The following FBXO22 variants were observed in gnomAD, a reference collection of about 807,000 sequenced individuals.
FBXO22 encodes the protein F-box only protein 22.
In FBXO22, 13 loss-of-function variants were observed where a neutral mutation model predicts 37.2. The observed-to-expected ratio is 0.35, with a 90% CI of 0.23 to 0.56. The LOEUF is 0.56. Ranked by LOEUF, FBXO22 falls within the 20% of genes least tolerant of loss-of-function variation. The probability of loss-of-function intolerance (pLI) is 0.87; values close to 1 mark genes in which losing one functional copy is unlikely to be tolerated. For synonymous variants in FBXO22, 189 were observed against 189.1 expected (o/e 1.00, Z 0.00); for missense variants, 446 against 509.9 (o/e 0.87, Z 1.21).
intron 5 of FBXO22, among the ~76,000 whole-genome samples, chr15:75,919,103 C>T (rs1900259463): frequency 6.6e-6 from 1 of 152,054 alleles, no homozygotes; most frequent in South Asian, 2.1e-4. Flanking sequence ...GTAGCTGGGA[C>T]TACATGCTGT....
At chr15:75,919,730 G>A (rs1023926762) in intron 5 of FBXO22, among the ~76,000 whole-genome samples, 1 of 152,224 alleles carries the variant, frequency 6.6e-6, no homozygotes, top group Non-Finnish European at 1.5e-5. Context: ...TTCATCTGCA[G>A]TGTGGCCTTG....
Position 75,914,134 on chromosome 15 carries a change from C to T in FBXO22, c.392C>T (p.Thr131Ile). The change falls in exon 4 of 7, where the codon ACA becomes ATA. Residue 131 changes from threonine (T) to isoleucine (I), a missense_variant. Physicochemically the swap from Thr to Ile is moderately conservative, Grantham distance 89. Transcript: ENST00000308275. ...GCAAGGAAAAGAACTAGTATGGAAA[C>T]AGCACTTGCCCTTGAGAAGCTATTC... Reference protein sequence around the residue: ...KRARKRTSMETALALEKLFPK... With the variant: ...KRARKRTSMEIALALEKLFPK... The T allele has an allele frequency of 6.2e-7, 1 of 1,613,286 alleles. No individual in the cohort carries two copies. Among genetic ancestry groups the T allele is most frequent in the East Asian group, 2.2e-5 (1 of 44,800 alleles).
rs984876914 is a variant in FBXO22, at chr15:75,942,269, G to GACAT, written c.*9171_*9174dup. The GACAT allele has an allele frequency of 4.6e-5, 7 of 152,022 alleles. No individual in the cohort carries two copies. The highest frequency in any genetic ancestry group is 1.7e-4 in the African/African-American group (7 of 41,390). 9.4% of individuals were successfully genotyped at this position (152,022 alleles called of 1,614,324 possible). ...TTATATATTGGTCAAAATCCATAAA[G>GACAT]ACATACAACAAAAAGAGGACCCTTC... On this transcript the variant is annotated 3_prime_UTR_variant, in exon 7 of 7. Transcript: ENST00000308275.
chr15:75,923,273 G>C (rs139868423), intron 5 of FBXO22, among the ~76,000 whole-genome samples: 1 of 152,288 alleles, frequency 6.6e-6, no homozygotes, highest in East Asian at 1.9e-4. Flanking sequence ...GCCAAGTATA[G>C]GAATGAGAAA....
At chr15:75,914,383 T>C (rs1163294293) in intron 4 of FBXO22, among the ~76,000 whole-genome samples, 178 bp downstream of exon 4, 1 of 152,250 alleles carries the variant, frequency 6.6e-6, no homozygotes, top group Non-Finnish European at 1.5e-5. Context: ...ATTAAGTTAT[T>C]GTACTTCTCA....
At chr15:75,920,525 A>G (rs75830440) in intron 5 of FBXO22, among the ~76,000 whole-genome samples, 3,258 of 152,280 alleles carry the variant, frequency 0.021, 139 homozygotes, top group African/African-American at 0.075. Context: ...TAGAACTCCT[A>G]CATTAATTTT....
At chr15:75,921,247 C>T (rs1214666195) in intron 5 of FBXO22, among the ~76,000 whole-genome samples, 1 of 152,168 alleles carries the variant, frequency 6.6e-6, no homozygotes, top group African/African-American at 2.4e-5. Flanking sequence ...ATGGGACTTG[C>T]AAGACTAGAA....
intron 2 of FBXO22, among the ~76,000 whole-genome samples, chr15:75,904,898 A>C (rs1595909335): frequency 7.0e-6 from 1 of 142,324 alleles, no homozygotes; most frequent in Non-Finnish European, 1.5e-5. Flanking sequence ...ATCTCGGCTC[A>C]CCGCAAGCTC....
chr15:75,913,271 G>A lies in FBXO22; in HGVS notation c.348G>A (p.Glu116=), dbSNP rs1480532294. The A allele has an allele frequency of 4.3e-6, 7 of 1,609,568 alleles. No homozygotes were observed. The Admixed American group carries it at 8.3e-5, about 19-fold the overall frequency. The change falls in exon 3 of 7, where the codon GAG becomes GAA. Residue 116 remains glutamate (E), a synonymous_variant. Transcript: ENST00000308275. ...ADSETFISLE[E]CRGHKRARKR... is the part of the protein sequence containing the mutation. ...CAGAAACTTTCATTAGTCTGGAAGA[G>A]TGTCGTGGCCATAAGAGAGGTAAAT... is the stretch of plus-strand genomic sequence containing the variant.
In FBXO22 at chr15:75,942,386, A is replaced by C. The variant is rs2141753715; in HGVS notation, c.*9284A>C. On this transcript the variant is annotated 3_prime_UTR_variant, in exon 7 of 7. Coordinates refer to ENST00000308275, the MANE Select transcript of FBXO22 (RefSeq NM_147188.3). ...AAATGTGTCAATATTGGTTAAACAAATATACCACACTAGTGCAAGATGTTA... is the reference window on the plus strand; with the variant it reads ...AAATGTGTCAATATTGGTTAAACAACTATACCACACTAGTGCAAGATGTTA... 6.6e-6 allele frequency: 1 copy of C among 152,232 alleles called. No homozygotes were observed. The highest frequency in any genetic ancestry group is 2.1e-4 in the South Asian group (1 of 4,820). 9.4% of individuals were successfully genotyped at this position (152,232 alleles called of 1,614,324 possible). A position where few individuals can be genotyped will look rare whatever the true frequency, so the allele number is the denominator to read the frequency against.
intron 5 of FBXO22, among the ~76,000 whole-genome samples, chr15:75,926,548 A>G (rs2141720553): frequency 6.6e-6 from 1 of 152,324 alleles, no homozygotes; most frequent in South Asian, 2.1e-4. Flanking sequence ...ACTAGAGAAG[A>G]TGTTGAAAGA....
chr15:75,924,469 G>C (rs1471737524), intron 5 of FBXO22, among the ~76,000 whole-genome samples: 1 of 152,136 alleles, frequency 6.6e-6, no homozygotes, highest in Non-Finnish European at 1.5e-5. Flanking sequence ...GGTGAAGGGA[G>C]CATGTTAGGC....
At position 75,942,181 on chromosome 15, in the gene FBXO22, G is replaced by C. The variant is rs905562351; in HGVS notation, c.*9079G>C. 1 of 151,886 alleles carries C rather than the reference G, an allele frequency of 6.6e-6. No individual in the cohort carries two copies. Among genetic ancestry groups the C allele is most frequent in the African/African-American group, 2.4e-5 (1 of 41,362 alleles). The allele number at this position is 151,886 out of a possible 1,614,324, so 9.4% of individuals were successfully genotyped here. On this transcript the variant is annotated 3_prime_UTR_variant, in exon 7 of 7. Transcript: ENST00000308275. ...GGAGAGAGGGAGGGGTAAATACATG[G>C]AGTAGAGATTTTTAGGGTGGTGAAA...
intron 2 of FBXO22, chr15:75,905,703 A>C (rs1229665774): frequency 3.3e-5 from 5 of 152,174 alleles, no homozygotes. Flanking sequence ...ACAGTTTCTC[A>C]AGCTTTGCTT....
chr15:75,917,135 T>A, intron 4 of FBXO22, 95 bp from the exon 5 acceptor site: 1 of 843,394 alleles, frequency 1.2e-6, no homozygotes. Context: ...ACTCAGATAG[T>A]GGCTTGTTAG....
chr15:75,919,390 A>T (rs1259205791), intron 5 of FBXO22, among the ~76,000 whole-genome samples: 2 of 152,250 alleles, frequency 1.3e-5, no homozygotes, highest in African/African-American at 4.8e-5. Context: ...CAATGTATAT[A>T]TACTTCAAAA....
intron 4 of FBXO22, 112 bp downstream of exon 4, chr15:75,914,317 T>A: frequency 1.4e-6 from 1 of 703,778 alleles, no homozygotes; most frequent in Non-Finnish European, 2.4e-6. Context: ...CCATCTAAAA[T>A]ACAATAAAGT....
chr15:75,929,773 T>C lies in FBXO22; in HGVS notation c.629-111T>C, dbSNP rs1345593558. 4.8e-6 allele frequency: 6 copies of C among 1,257,152 alleles called. No homozygotes were observed. The Admixed American group carries it at 1.2e-4, about 26-fold the overall frequency. 77.9% of individuals were successfully genotyped at this position (1,257,152 alleles called of 1,614,324 possible). A position where few individuals can be genotyped will look rare whatever the true frequency, so the allele number is the denominator to read the frequency against. On this transcript the variant is annotated intron_variant, in intron 5 of 6. Coordinates refer to ENST00000308275, the MANE Select transcript of FBXO22 (RefSeq NM_147188.3). ...TGGAAAATTTGATAGCTTAAGCCAC[T>C]AAATTGCCCTTAAGGTGGAGTGCAA...
rs1001139690 is a variant in FBXO22, at chr15:75,930,223, G to A, written c.794+174G>A. 178 of 1,437,878 alleles carry A rather than the reference G, an allele frequency of 1.2e-4. 1 individual carries two copies. Among genetic ancestry groups the A allele is most frequent in the Non-Finnish European group, 2.5e-5 (28 of 1,099,196 alleles). 89.1% of individuals were successfully genotyped at this position (1,437,878 alleles called of 1,614,324 possible). A position where few individuals can be genotyped will look rare whatever the true frequency, so the allele number is the denominator to read the frequency against. ...GCTTACTGAACATAATTCTGCTTAC[G>A]GTTGAATAATTACATTTTTATATAT... On this transcript the variant is annotated intron_variant, in intron 6 of 6. Coordinates refer to ENST00000308275, the MANE Select transcript of FBXO22 (RefSeq NM_147188.3).
Sources: allele counts gnomAD v4.1 joint callset (sites outside exome capture counted in the v4.1 genomes callset), GRCh38; gene constraint gnomAD v4.1.1; transcripts MANE v1.5; gene names NCBI Gene and HGNC (gene_info 2026-07-23, HGNC 2026-07-21).